ADGRL2: variants seen among roughly 807,000 people sequenced by gnomAD.
The protein encoded by ADGRL2 is calcium-independent alpha-latrotoxin receptor 2.
Under a neutral mutation model 157.4 loss-of-function variants are expected in ADGRL2, and 44 were observed. That is an observed-to-expected ratio of 0.28 (90% confidence interval 0.22 to 0.36). The LOEUF is 0.36. ADGRL2 is among the 10% of genes least tolerant of loss of function. The probability of loss-of-function intolerance (pLI) is 1.00; values close to 1 mark genes in which losing one functional copy is unlikely to be tolerated. For synonymous variants in ADGRL2, 585 were observed against 624.7 expected (o/e 0.94, Z 0.95); for missense variants, 1,510 against 1,768.9 (o/e 0.85, Z 2.63).
chr1:81,954,465 A>G (rs1227078860), intron 10 of ADGRL2, among the ~76,000 whole-genome samples: 1 of 152,182 alleles, frequency 6.6e-6, no homozygotes, highest in Non-Finnish European at 1.5e-5. Flanking sequence ...TCTTTAAATT[A>G]CAAATCAGAA....
In ADGRL2 at chr1:81,443,554, C is replaced by T. The variant is rs141586522; in HGVS notation, c.-301-1482C>T. The stretch of plus-strand genomic sequence containing the variant: ...TGATTTTCTATTGCTGGTTTGAGAC[C>T]CACTTGATAGAAATCCAGCCACCTA... On this transcript the variant is annotated intron_variant, in intron 1 of 24. Coordinates refer to the ADGRL2 transcript ENST00000370721. 2.2e-4 allele frequency among the ~76,000 whole-genome samples: 34 copies of T among 152,174 alleles called. No homozygotes were observed. In the East Asian group the frequency reaches 5.0e-3, roughly 22 times the overall value.
chr1:81,691,177 T>G (rs943121767), intron 3 of ADGRL2, among the ~76,000 whole-genome samples: 10 of 152,216 alleles, frequency 6.6e-5, no homozygotes, highest in African/African-American at 2.2e-4. Context: ...TAAAATCATC[T>G]GAGACAAATG....
At chr1:81,571,128 C>A (rs917413006) in intron 2 of ADGRL2, among the ~76,000 whole-genome samples, 5 of 151,718 alleles carry the variant, frequency 3.3e-5, no homozygotes, top group Non-Finnish European at 7.4e-5. Context: ...AGTTGGAGAC[C>A]CGCCTGGCCA....
At chr1:81,371,825 A>G (rs1293235121) in intron 1 of ADGRL2, among the ~76,000 whole-genome samples, 1 of 152,222 alleles carries the variant, frequency 6.6e-6, no homozygotes, top group Non-Finnish European at 1.5e-5. Flanking sequence ...TTCCTATTGA[A>G]CAAATCATGT....
At chr1:81,593,028 A>C (rs1308191605) in intron 3 of ADGRL2, among the ~76,000 whole-genome samples, 1 of 152,178 alleles carries the variant, frequency 6.6e-6, no homozygotes, top group Non-Finnish European at 1.5e-5. Flanking sequence ...TTTCTAAGGA[A>C]TAGAAATAGG....
At chr1:81,877,670 G>A (rs1210235602) in intron 2 of ADGRL2, among the ~76,000 whole-genome samples, 3 of 149,004 alleles carry the variant, frequency 2.0e-5, no homozygotes, top group Admixed American at 1.4e-4. Flanking sequence ...TTTGGGGAGG[G>A]GGGAGGTTGT....
chr1:81,950,286 A>G lies in ADGRL2; in HGVS notation c.1308A>G (p.Thr436=). 1 of 1,614,106 alleles carries G rather than the reference A, an allele frequency of 6.2e-7. No homozygotes were observed. The highest frequency in any genetic ancestry group is 8.5e-7 in the Non-Finnish European group (1 of 1,179,976). Residue 436 remains threonine (T), a synonymous_variant, in exon 7 of 24, where the codon ACA becomes ACG. Transcript: ENST00000686636. ...STTSQKGPMS[T]TVAGSQEGSK... ...CTTCACAGAAAGGCCCCATGAGCACAACTGTAGCTGGATCACAGGAAGGAA... is the reference window on the plus strand; with the variant it reads ...CTTCACAGAAAGGCCCCATGAGCACGACTGTAGCTGGATCACAGGAAGGAA...
At chr1:81,770,441 G>A (rs191708787) in intron 2 of ADGRL2, among the ~76,000 whole-genome samples, 46 of 151,678 alleles carry the variant, frequency 3.0e-4, no homozygotes, top group African/African-American at 6.5e-4. Flanking sequence ...GATTACAGGC[G>A]TGAGCCACCA....
chr1:81,952,979 C>T lies in ADGRL2; in HGVS notation c.1795-8C>T, dbSNP rs757934317. The T allele has an allele frequency of 1.6e-5, 25 of 1,609,250 alleles. No homozygotes were observed. Among genetic ancestry groups the T allele is most frequent in the Non-Finnish European group, 2.0e-5 (23 of 1,177,126 alleles). Reference sequence around the variant, plus strand: ...AACCTCTGATTTTTCTTTTCTTTTACTTAAAAGCTCCAAAAACGAGAGAAG... The same window carrying T: ...AACCTCTGATTTTTCTTTTCTTTTATTTAAAAGCTCCAAAAACGAGAGAAG... On this transcript the variant is annotated splice_polypyrimidine_tract_variant and splice_region_variant and intron_variant, in intron 9 of 23. Coordinates refer to ENST00000686636, the MANE Select transcript of ADGRL2 (RefSeq NM_001366006.2).
At chr1:81,682,385 G>A (rs11163349) in intron 3 of ADGRL2, among the ~76,000 whole-genome samples, 41,734 of 151,976 alleles carry the variant, frequency 0.27, 6,175 homozygotes, top group South Asian at 0.35. Flanking sequence ...CATTTGTTTA[G>A]GAACTATCTT....
intron 2 of ADGRL2, among the ~76,000 whole-genome samples, chr1:81,844,434 G>C (rs1032323115): frequency 2.6e-5 from 4 of 152,262 alleles, no homozygotes; most frequent in South Asian, 2.1e-4. Flanking sequence ...TAGAGAATAA[G>C]ATAAGTGATT....
At chr1:81,676,974 C>T (rs868521572) in intron 3 of ADGRL2, among the ~76,000 whole-genome samples, 23 of 151,468 alleles carry the variant, frequency 1.5e-4, no homozygotes, top group South Asian at 1.0e-3. Flanking sequence ...CTGTGCCTGG[C>T]CAACTCATTG....
chr1:81,918,292 C>G (rs1414450778), intron 3 of ADGRL2, among the ~76,000 whole-genome samples: 1 of 152,012 alleles, frequency 6.6e-6, no homozygotes, highest in East Asian at 1.9e-4. Context: ...TTAAATATGT[C>G]CTATGACACC....
rs368445068 is a variant in ADGRL2, at chr1:81,884,557, A to G, written c.74-22460A>G. ...GGTATTGAATGCTTTCTGACTAAAC[A>G]TATATTGAACAAAGCAAAACACTAT... On this transcript the variant is annotated intron_variant, in intron 2 of 23. Transcript: ENST00000686636. Among the ~76,000 whole-genome samples the G allele has an allele frequency of 2.6e-5, 4 of 152,204 alleles. No individual in the cohort carries two copies. The South Asian group carries it at 6.2e-4, about 24-fold the overall frequency.
At chr1:81,761,138 T>A (rs528506905) in intron 1 of ADGRL2, among the ~76,000 whole-genome samples, 2 of 151,996 alleles carry the variant, frequency 1.3e-5, no homozygotes, top group African/African-American at 4.8e-5. Flanking sequence ...TAGTTTGAAA[T>A]TTTAGCTAGT....
chr1:81,685,883 T>C (rs1262893999), intron 3 of ADGRL2, among the ~76,000 whole-genome samples: 1 of 152,236 alleles, frequency 6.6e-6, no homozygotes, highest in Non-Finnish European at 1.5e-5. Flanking sequence ...TCTGCATCTA[T>C]TGTGATGATC....
intron 2 of ADGRL2, among the ~76,000 whole-genome samples, chr1:81,884,660 G>A (rs796696213): frequency 7.9e-5 from 12 of 152,268 alleles, no homozygotes; most frequent in African/African-American, 2.9e-4. Context: ...TGGGGAGGTA[G>A]GCTTATAAAT....
intron 3 of ADGRL2, among the ~76,000 whole-genome samples, chr1:81,913,622 A>G (rs556855687): frequency 2.6e-5 from 4 of 152,278 alleles, no homozygotes; most frequent in South Asian, 2.1e-4. Context: ...GAGGCTCATC[A>G]TATTCTAATT....
intron 1 of ADGRL2, among the ~76,000 whole-genome samples, chr1:81,358,590 C>G (rs1193189988): frequency 6.6e-6 from 1 of 152,092 alleles, no homozygotes; most frequent in African/African-American, 2.4e-5. Flanking sequence ...GTGTACATTT[C>G]ATTTATAGTT....
Sources: gnomAD v4.1 joint callset for allele counts (sites outside exome capture counted in the v4.1 genomes callset) on GRCh38, gnomAD v4.1.1 for gene constraint, MANE v1.5 for transcripts, NCBI Gene and HGNC (gene_info 2026-07-23, HGNC 2026-07-21) for gene names.